Variants in FCHSD2 observed in about 807,000 individuals in gnomAD.
FCHSD2 encodes F-BAR and double SH3 domains protein 2.
FCHSD2 carries 38 observed loss-of-function variants against 108.1 expected under a neutral mutation model. The ratio of observed to expected loss-of-function variants is 0.35; its 90% confidence interval spans 0.27 to 0.46. The LOEUF is 0.46. FCHSD2 is among the 20% of genes least tolerant of loss of function. The pLI is 1.00. For synonymous variants in FCHSD2, 279 were observed against 314.7 expected (o/e 0.89, Z 1.20); for missense variants, 751 against 897.8 (o/e 0.84, Z 2.09).
rs1477152190 is a variant in FCHSD2 at position 73,140,067 on chromosome 11, T to C, written c.83A>G (p.Lys28Arg). The part of the protein sequence containing the change: ...QVEQMTKLQA[K>R]HQAECDLLED... ...AAGCAAATCACATTCTGCTTGATGT[T>C]TGGCTTGAAGTTTTGTCATCTGCTC... is the stretch of plus-strand genomic sequence containing the variant. The change falls in exon 2 of 20, where the codon AAA becomes AGA. Residue 28 changes from lysine (K) to arginine (R), a missense_variant. Transcript: ENST00000409418. The C allele has an allele frequency of 2.6e-6, 4 of 1,548,942 alleles. No individual in the cohort carries two copies. The highest frequency in any genetic ancestry group is 2.0e-5 in the Admixed American group (1 of 49,880).
intron 8 of FCHSD2, among the ~76,000 whole-genome samples, chr11:72,980,384 T>C (rs190354399): frequency 6.6e-6 from 1 of 152,278 alleles, no homozygotes; most frequent in East Asian, 1.9e-4. Flanking sequence ...TAGATACAGA[T>C]TATCCAGTTA....
At chr11:72,998,121 C>T (rs929440480) in intron 5 of FCHSD2, among the ~76,000 whole-genome samples, 4 of 152,130 alleles carry the variant, frequency 2.6e-5, no homozygotes, top group Non-Finnish European at 5.9e-5. Context: ...GTAGAAAAGA[C>T]ATGAACAGAG....
chr11:72,916,968 C>T (rs1474064900), intron 9 of FCHSD2, among the ~76,000 whole-genome samples: 4 of 118,800 alleles, frequency 3.4e-5, no homozygotes, highest in African/African-American at 1.3e-4. Flanking sequence ...GAACTTCATT[C>T]TTTTTTTTTT....
At chr11:72,885,761 G>C (rs1475698432) in intron 12 of FCHSD2, among the ~76,000 whole-genome samples, 1 of 152,168 alleles carries the variant, frequency 6.6e-6, no homozygotes, top group Non-Finnish European at 1.5e-5. Flanking sequence ...GTGTTTCTTA[G>C]AGTAGATGAG....
chr11:72,853,975 A>G (rs1485536906), intron 13 of FCHSD2, among the ~76,000 whole-genome samples: 1 of 152,210 alleles, frequency 6.6e-6, no homozygotes, highest in Non-Finnish European at 1.5e-5. Context: ...AATATGCTCA[A>G]CATCACTAAT....
chr11:73,128,196 C>A (rs987601582), intron 2 of FCHSD2, among the ~76,000 whole-genome samples: 1 of 152,026 alleles, frequency 6.6e-6, no homozygotes, highest in African/African-American at 2.4e-5. Context: ...AGAGGGAATA[C>A]AAATAATTTC....
intron 14 of FCHSD2, 98 bp downstream of exon 14, chr11:72,849,657 T>TCGGCG: frequency 1.0e-6 from 1 of 969,584 alleles, no homozygotes; most frequent in East Asian, 2.4e-5. Flanking sequence ...TAATAACAAT[T>TCGGCG]TTATGCTAAG....
At chr11:73,058,730 G>A (rs966679518) in intron 3 of FCHSD2, among the ~76,000 whole-genome samples, 3 of 151,636 alleles carry the variant, frequency 2.0e-5, no homozygotes, top group African/African-American at 7.3e-5. Context: ...CGAGTACCTG[G>A]CTAATTTTTG....
chr11:72,867,128 T>C (rs370799159), intron 13 of FCHSD2, among the ~76,000 whole-genome samples: 37 of 152,232 alleles, frequency 2.4e-4, no homozygotes, highest in East Asian at 1.2e-3. Flanking sequence ...ATAAATACCA[T>C]TGAGGAAATA....
chr11:72,923,377 C>G (rs1856011676), intron 8 of FCHSD2, among the ~76,000 whole-genome samples: 1 of 152,160 alleles, frequency 6.6e-6, no homozygotes, highest in Non-Finnish European at 1.5e-5. Context: ...AACTGTCAAA[C>G]TGTTTTCCAG....
At chr11:72,989,136 T>G in intron 5 of FCHSD2, 39 bp from the exon 6 acceptor site, 1 of 1,555,932 alleles carries the variant, frequency 6.4e-7, no homozygotes, top group Non-Finnish European at 8.7e-7. Flanking sequence ...GATTTTAGTT[T>G]TCAGGCTTAC....
chr11:73,091,665 T>A (rs1264161044), intron 2 of FCHSD2, among the ~76,000 whole-genome samples: 1 of 152,254 alleles, frequency 6.6e-6, no homozygotes, highest in Non-Finnish European at 1.5e-5. Context: ...AGTAGGCTCA[T>A]GCTTTCATGT....
At chr11:73,050,986 T>C (rs755843056) in intron 3 of FCHSD2, among the ~76,000 whole-genome samples, 2 of 152,212 alleles carry the variant, frequency 1.3e-5, no homozygotes, top group Non-Finnish European at 2.9e-5. Context: ...TTTAAGCAAT[T>C]TGACATCAGT....
At chr11:72,932,629 C>G (rs1017993407) in intron 8 of FCHSD2, among the ~76,000 whole-genome samples, 1 of 152,210 alleles carries the variant, frequency 6.6e-6, no homozygotes, top group Non-Finnish European at 1.5e-5. Flanking sequence ...TCTTATCAGC[C>G]TTAGTCTCTT....
At chr11:72,911,859 GA>G (rs1238905042) in intron 9 of FCHSD2, among the ~76,000 whole-genome samples, 2 of 152,138 alleles carry the variant, frequency 1.3e-5, no homozygotes, top group Non-Finnish European at 2.9e-5. Context: ...TTCATTTTAA[GA>G]GACCTTTCAC....
intron 9 of FCHSD2, among the ~76,000 whole-genome samples, chr11:72,908,468 A>G (rs1333701359): frequency 1.3e-5 from 2 of 152,192 alleles, no homozygotes; most frequent in Non-Finnish European, 2.9e-5. Flanking sequence ...ACTGTTTTCC[A>G]TAGCGGTTGT....
chr11:73,026,807 G>C (rs962135575), intron 3 of FCHSD2, among the ~76,000 whole-genome samples: 6 of 152,154 alleles, frequency 3.9e-5, no homozygotes, highest in African/African-American at 1.4e-4. Flanking sequence ...CAGCAAGTGA[G>C]TTCTCATGAG....
At position 72,903,509 on chromosome 11, in the gene FCHSD2, G is replaced by A. The variant is rs1263782428; in HGVS notation, c.829-871C>T. Among the ~76,000 whole-genome samples the A allele has an allele frequency of 5.3e-5, 8 of 152,180 alleles. 1 individual carries two copies. The highest frequency in any genetic ancestry group is 4.1e-4 in the South Asian group (2 of 4,820). ...GCTGGGATTACAGGCGTGAGCTACC[G>A]CGCCCGGCCTGGAATTTCTATAAAA... On this transcript the variant is annotated intron_variant, in intron 9 of 19. Transcript: ENST00000409418.
chr11:72,840,547 T>C (rs1055572564), intron 19 of FCHSD2, among the ~76,000 whole-genome samples: 4 of 152,198 alleles, frequency 2.6e-5, no homozygotes. Flanking sequence ...AATAGAGGCC[T>C]GGAAAATTAA....
Sources: gnomAD v4.1 joint callset for allele counts (sites outside exome capture counted in the v4.1 genomes callset) on GRCh38, gnomAD v4.1.1 for gene constraint, MANE v1.5 for transcripts, NCBI Gene and HGNC (gene_info 2026-07-23, HGNC 2026-07-21) for gene names.